PCGF3: variants seen among roughly 807,000 people sequenced by gnomAD.
The protein encoded by PCGF3 is polycomb group RING finger protein 3.
In PCGF3, 7 loss-of-function variants were observed where a neutral mutation model predicts 33.1. The observed-to-expected ratio is 0.21, with a 90% CI of 0.12 to 0.40. The LOEUF (loss-of-function observed/expected upper bound fraction) is 0.40, where lower values mean the gene tolerates loss of function less well. PCGF3 is among the 10% of genes least tolerant of loss of function. The pLI is 1.00. For synonymous variants in PCGF3, 153 were observed against 121.3 expected, an observed-to-expected ratio of 1.26 and a Z score of -1.72; for missense variants, 211 against 313.3, an observed-to-expected ratio of 0.67 and a Z score of 2.46.
chr4:734,899 G>A (rs924772291), intron 4 of PCGF3, 32 bp from the exon 5 acceptor site: 16 of 1,606,146 alleles, frequency 1.0e-5, no homozygotes, highest in African/African-American at 6.7e-5. Context: ...GGCTCTAGAC[G>A]CTCTCCTAAC....
At chr4:723,444 C>G (rs1039861480) in intron 1 of PCGF3, among the ~76,000 whole-genome samples, 1 of 152,050 alleles carries the variant, frequency 6.6e-6, no homozygotes, top group African/African-American at 2.4e-5. Flanking sequence ...AGTGGGGTGC[C>G]CAGAGGGTAG....
intron 8 of PCGF3, among the ~76,000 whole-genome samples, chr4:758,119 G>A (rs1744853529): frequency 7.3e-6 from 1 of 136,232 alleles, no homozygotes; most frequent in Non-Finnish European, 1.5e-5. Context: ...AGTGAGCCGA[G>A]ATCGTGCCAC....
At chr4:747,631 G>T (rs372591833) in intron 8 of PCGF3, among the ~76,000 whole-genome samples, 21 of 81,710 alleles carry the variant, frequency 2.6e-4, no homozygotes, top group Middle Eastern at 9.3e-3. Context: ...GTTAGTGCTC[G>T]CCGTGGAGGC....
intron 10 of PCGF3, 48 bp downstream of exon 10, chr4:765,112 C>A: frequency 7.8e-7 from 1 of 1,289,126 alleles, no homozygotes; most frequent in Non-Finnish European, 1.1e-6. Flanking sequence ...ATGGCAGTGA[C>A]TTTGCTGTGC....
exon 11 of PCGF3, chr4:769,418 A>T (rs1261049915): frequency 6.5e-6 from 1 of 152,722 alleles, no homozygotes; most frequent in Non-Finnish European, 1.5e-5. Context: ...CACATAGCTA[A>T]ATCACAAAAC....
chr4:766,816 G>A (rs1167662632), exon 11 of PCGF3: 1 of 152,256 alleles, frequency 6.6e-6, no homozygotes, highest in Non-Finnish European at 1.5e-5. Flanking sequence ...TGCTCAGCAG[G>A]TAGACCAGAG....
At chr4:744,546 A>G (rs1744230527) in intron 7 of PCGF3, 54 bp from the exon 8 acceptor site, 7 of 1,365,330 alleles carry the variant, frequency 5.1e-6, no homozygotes, top group Non-Finnish European at 7.1e-6. Flanking sequence ...TAGTTTTTTA[A>G]ATGGCTTGAC....
chr4:753,853 A>G (rs1001890716), intron 8 of PCGF3, among the ~76,000 whole-genome samples: 1 of 152,128 alleles, frequency 6.6e-6, no homozygotes, highest in African/African-American at 2.4e-5. Flanking sequence ...AGGCTGAGGC[A>G]TGAGAATCGC....
intron 3 of PCGF3, among the ~76,000 whole-genome samples, chr4:733,049 GGCCCCTGCCGCGTGCTGCCTCC>G (rs1468810973): frequency 0.035 from 5,117 of 147,196 alleles, 142 homozygotes; most frequent in South Asian, 0.094. Context: ...GGTAGGGTGG[GGCCCCTGCCGCGTGCTGCCTCC>G]GCCCCTGCCC....
At chr4:741,878 T>C (rs1744107647) in intron 6 of PCGF3, among the ~76,000 whole-genome samples, 1 of 152,182 alleles carries the variant, frequency 6.6e-6, no homozygotes, top group African/African-American at 2.4e-5. Flanking sequence ...TGCACGGACC[T>C]ATGTGGCCTG....
chr4:760,256 C>T (rs903968415), intron 8 of PCGF3, among the ~76,000 whole-genome samples: 3 of 152,150 alleles, frequency 2.0e-5, no homozygotes, highest in Non-Finnish European at 2.9e-5. Flanking sequence ...CTTAACACTT[C>T]CTTTCCTTTC....
Position 719,404 on chromosome 4 carries a change from AC to A in PCGF3, c.-189-11223del, listed in dbSNP as rs1742985510. Among the ~76,000 whole-genome samples, 4 of 152,266 alleles carry A rather than the reference AC, an allele frequency of 2.6e-5. No individual in the cohort carries two copies. The South Asian group carries it at 8.3e-4, about 32-fold the overall frequency. Reference sequence around the variant, plus strand: ...GTGTGTCCGCACGAGGTTGATGAGAACCCTCGGTGCCTGGACTGTCTTCTCA... The same window carrying A: ...GTGTGTCCGCACGAGGTTGATGAGAACCTCGGTGCCTGGACTGTCTTCTCA... On this transcript the variant is annotated intron_variant, in intron 1 of 10. Transcript: ENST00000362003.
Position 749,476 on chromosome 4 carries a change from CTTTTTTTTTTT to C in PCGF3, c.462+4802_462+4812del, listed in dbSNP as rs71640348. On this transcript the variant is annotated intron_variant, in intron 8 of 10. Transcript: ENST00000362003. ...ACCATGCCCTGCTGAATTTTCTTTC[CTTTTTTTTTTT>C]TTTTTTTTTTTTTGAGACAGTCTCA... is the stretch of plus-strand genomic sequence containing the variant. Among the ~76,000 whole-genome samples, 191 of 75,488 alleles carry C rather than the reference CTTTTTTTTTTT, an allele frequency of 2.5e-3. 1 individual carries two copies. The highest frequency in any genetic ancestry group is 0.01 in the African/African-American group (182 of 17,742). The allele number at this position is 75,488 out of a possible 152,430, so 49.5% of individuals were successfully genotyped here. A position where few individuals can be genotyped will look rare whatever the true frequency, so the allele number is the denominator to read the frequency against.
intron 1 of PCGF3, among the ~76,000 whole-genome samples, chr4:713,296 A>G (rs1330388609): frequency 8.5e-5 from 4 of 46,854 alleles, no homozygotes; most frequent in East Asian, 6.4e-4. Flanking sequence ...CTGTGGCCTC[A>G]TGGGGGCTGT....
chr4:715,392 G>T, intron 1 of PCGF3, among the ~76,000 whole-genome samples: 1 of 145,894 alleles, frequency 6.9e-6, no homozygotes, highest in East Asian at 2.2e-4. Context: ...GGGCATCGGT[G>T]CTGGGACCCT....
intron 1 of PCGF3, among the ~76,000 whole-genome samples, chr4:729,099 CAAAAAAAAAAA>C (rs34927260): frequency 7.5e-5 from 3 of 40,254 alleles, no homozygotes; most frequent in Non-Finnish European, 1.2e-4. Context: ...GACTCCATCT[CAAAAAAAAAAA>C]AAAAAAAAAA....
chr4:761,207 T>C (rs1324447871), intron 8 of PCGF3, 72 bp from the exon 9 acceptor site: 38 of 1,311,196 alleles, frequency 2.9e-5, no homozygotes, highest in Non-Finnish European at 3.4e-5. Context: ...TAGTGAAATA[T>C]GTCTAAGGAA....
intron 1 of PCGF3, among the ~76,000 whole-genome samples, chr4:710,991 C>T (rs902090208): frequency 2.0e-5 from 3 of 152,226 alleles, no homozygotes; most frequent in African/African-American, 2.4e-5. Context: ...ATAAAAATGC[C>T]GTAGGAGACG....
chr4:768,738 ATT>A (rs1049496704), exon 11 of PCGF3: 1 of 152,580 alleles, frequency 6.6e-6, no homozygotes, highest in African/African-American at 2.4e-5. Flanking sequence ...CTTCTATCAT[ATT>A]TTCCCATCCA....
Sources: allele counts gnomAD v4.1 joint callset (sites outside exome capture counted in the v4.1 genomes callset), GRCh38; gene constraint gnomAD v4.1.1; transcripts MANE v1.5; gene names NCBI Gene and HGNC (gene_info 2026-07-23, HGNC 2026-07-21).